The following DOCK10 variants were observed in gnomAD, a reference collection of about 807,000 sequenced individuals.
DOCK10 encodes the protein dedicator of cytokinesis protein 10.
Under a neutral mutation model 280.1 loss-of-function variants are expected in DOCK10, and 145 were observed. The observed-to-expected ratio is 0.52, with a 90% CI of 0.45 to 0.59. DOCK10 has a LOEUF of 0.59. Among genes scored for constraint, DOCK10 ranks in the 20% least tolerant of loss-of-function variants. The pLI is 0.00. For missense variants in DOCK10, 2,368 were observed against 2,651.7 expected, an observed-to-expected ratio of 0.89 and a Z score of 2.35; for synonymous variants, 915 against 942.2, an observed-to-expected ratio of 0.97 and a Z score of 0.53.
intron 19 of DOCK10, 119 bp from the exon 20 acceptor site, chr2:224,845,761 T>C (rs1696309298): frequency 1.0e-6 from 1 of 962,012 alleles, no homozygotes; most frequent in East Asian, 2.5e-5. Context: ...TCTTACTCTG[T>C]CACCTACGCT....
chr2:224,846,353 G>A (rs754127239), intron 19 of DOCK10, among the ~76,000 whole-genome samples: 10 of 152,130 alleles, frequency 6.6e-5, no homozygotes, highest in Non-Finnish European at 1.5e-4. Flanking sequence ...CCCAAAGTGC[G>A]GCTGGGGACC....
At chr2:224,801,555 C>A (rs1012042064) in intron 40 of DOCK10, among the ~76,000 whole-genome samples, 9 of 152,126 alleles carry the variant, frequency 5.9e-5, no homozygotes, top group African/African-American at 2.2e-4. Context: ...GTGTGTGCAT[C>A]TCTAAGTTCA....
intron 1 of DOCK10, among the ~76,000 whole-genome samples, chr2:225,000,112 G>A (rs983230896): frequency 6.6e-6 from 1 of 151,936 alleles, no homozygotes; most frequent in Non-Finnish European, 1.5e-5. Flanking sequence ...GCTGGCCCAG[G>A]GAAGATTCAT....
chr2:224,875,270 T>C (rs6713674), intron 8 of DOCK10, among the ~76,000 whole-genome samples: 28,959 of 152,064 alleles, frequency 0.19, 4,796 homozygotes, highest in African/African-American at 0.46. Context: ...TTTTTTTCCA[T>C]ATTACTCCAT....
intron 2 of DOCK10, among the ~76,000 whole-genome samples, chr2:224,924,072 C>T (rs968089544): frequency 6.6e-6 from 1 of 152,120 alleles, no homozygotes; most frequent in Non-Finnish European, 1.5e-5. Flanking sequence ...TCCATTCATT[C>T]CTTTTAAAGA....
At chr2:224,862,124 G>T (rs1281462794) in intron 14 of DOCK10, 1 of 152,526 alleles carries the variant, frequency 6.6e-6, no homozygotes, top group Non-Finnish European at 1.5e-5. Context: ...TATGTCCACA[G>T]AACTCAGACT....
intron 1 of DOCK10, among the ~76,000 whole-genome samples, chr2:224,985,554 ATCT>A (rs1180064993): frequency 6.6e-6 from 1 of 151,834 alleles, no homozygotes; most frequent in African/African-American, 2.4e-5. Context: ...TGTTTTTAAC[ATCT>A]TATTGACCAG....
At chr2:224,840,843 A>T (rs965986774) in intron 23 of DOCK10, among the ~76,000 whole-genome samples, 3 of 152,238 alleles carry the variant, frequency 2.0e-5, no homozygotes, top group Non-Finnish European at 4.4e-5. Flanking sequence ...TGCAGCCAAG[A>T]TACAGAATCA....
chr2:224,765,877 G>A, intron 55 of DOCK10, 40 bp from the exon 56 acceptor site: 3 of 1,459,736 alleles, frequency 2.1e-6, no homozygotes, highest in Non-Finnish European at 2.9e-6. Flanking sequence ...GAATGCAGAG[G>A]TTAATGTTAA....
At position 224,961,412 on chromosome 2, in the gene DOCK10, C is replaced by CTCCT. The variant is rs1704390033; in HGVS notation, c.124-29745_124-29744insAGGA. On this transcript the variant is annotated intron_variant, in intron 1 of 55. Coordinates refer to ENST00000258390, the MANE Select transcript of DOCK10 (RefSeq NM_014689.3). ...ATAGCAGCATTTTCTTTCTTTCTTT[C>CTCCT]TCTTTCTTTCTTTCTTTCTTTCTTT... Among the ~76,000 whole-genome samples, 57 of 119,464 alleles carry CTCCT rather than the reference C, an allele frequency of 4.8e-4. 1 individual carries two copies. The South Asian group carries it at 0.015, about 32-fold the overall frequency. 78.4% of individuals were successfully genotyped at this position (119,464 alleles called of 152,430 possible).
At chr2:224,896,914 G>A (rs1417233575) in intron 3 of DOCK10, among the ~76,000 whole-genome samples, 1 of 152,032 alleles carries the variant, frequency 6.6e-6, no homozygotes, top group Non-Finnish European at 1.5e-5. Context: ...TAAATAGGGG[G>A]AACTATTTAA....
rs1043622781 is a variant in DOCK10, at chr2:224,765,656, C to T, written c.*65G>A. ...TCAAATAAATTAAACCTATCTTTCT[C>T]TTCCCCGAGATTAGCTGCAAATTCA... On this transcript the variant is annotated 3_prime_UTR_variant, in exon 56 of 56. Coordinates refer to ENST00000258390, the MANE Select transcript of DOCK10 (RefSeq NM_014689.3). 3.5e-6 allele frequency: 4 copies of T among 1,151,638 alleles called. No individual in the cohort carries two copies. The highest frequency in any genetic ancestry group is 2.8e-5 in the South Asian group (2 of 71,956). The allele number at this position is 1,151,638 out of a possible 1,614,324, so 71.3% of individuals were successfully genotyped here.
At position 224,885,704 on chromosome 2, in the gene DOCK10, G is replaced by T; in HGVS notation, c.714C>A (p.Cys238Ter). The change falls in exon 7 of 56, where the codon TGC (cysteine) becomes TGA (stop). Residue 238 changes from cysteine to a stop codon, truncating the protein, a stop_gained. Transcript: ENST00000258390. LOFTEE classifies it high-confidence loss of function. The part of the protein sequence containing the change: ...DEKISKEPKG[C>*]IFLDSCTGVV... ...CTCCTGTACAGGAATCCAAAAAGAT[G>T]CATCCTTTGGGTTCTTTGGATATTT... 1 of 1,612,872 alleles carries T rather than the reference G, an allele frequency of 6.2e-7. No individual in the cohort carries two copies. Among genetic ancestry groups the T allele is most frequent in the Non-Finnish European group, 8.5e-7 (1 of 1,179,316 alleles).
At chr2:224,827,975 GC>G (rs1260211265) in intron 27 of DOCK10, among the ~76,000 whole-genome samples, 2 of 152,190 alleles carry the variant, frequency 1.3e-5, no homozygotes, top group African/African-American at 4.8e-5. Context: ...CTTAGTGCTA[GC>G]AGAAGTTTAA....
chr2:224,792,957 G>T lies in DOCK10; in HGVS notation c.5311+17C>A. 1.3e-6 allele frequency: 2 copies of T among 1,572,958 alleles called. No homozygotes were observed. Among genetic ancestry groups the T allele is most frequent in the Non-Finnish European group, 1.7e-6 (2 of 1,143,790 alleles). On this transcript the variant is annotated intron_variant, in intron 47 of 55. Coordinates refer to ENST00000258390, the MANE Select transcript of DOCK10 (RefSeq NM_014689.3). ...ATTTCCTCTGCATTGGGATAAATGA[G>T]CAGTTAGGTCACTCACTTCCTCCAC...
At chr2:225,000,225 GAC>G (rs10531607) in intron 1 of DOCK10, among the ~76,000 whole-genome samples, 80,677 of 144,434 alleles carry the variant, frequency 0.56, 24,614 homozygotes, top group Middle Eastern at 0.66. Flanking sequence ...CACACACACA[GAC>G]ACACACACAC....
chr2:224,922,041 C>T (rs1473181088), intron 2 of DOCK10, among the ~76,000 whole-genome samples: 2 of 151,340 alleles, frequency 1.3e-5, no homozygotes, highest in African/African-American at 2.4e-5. Flanking sequence ...ATCGCTTGAA[C>T]CCGGGTGGCG....
intron 29 of DOCK10, among the ~76,000 whole-genome samples, chr2:224,818,267 G>A (rs575677959): frequency 6.6e-6 from 1 of 152,276 alleles, no homozygotes. Context: ...TACTAGCTGG[G>A]TTTGTGTAAG....
chr2:224,906,828 C>T (rs758774167), intron 3 of DOCK10, among the ~76,000 whole-genome samples: 4 of 152,158 alleles, frequency 2.6e-5, no homozygotes, highest in African/African-American at 4.8e-5. Context: ...CAGAGTGTGT[C>T]GTAGAAATCT....
Sources: gnomAD v4.1 joint callset for allele counts (sites outside exome capture counted in the v4.1 genomes callset) on GRCh38, gnomAD v4.1.1 for gene constraint, MANE v1.5 for transcripts, NCBI Gene and HGNC (gene_info 2026-07-23, HGNC 2026-07-21) for gene names.